TACC2: variants seen among roughly 807,000 people sequenced by gnomAD.
TACC2 encodes transforming acidic coiled-coil-containing protein 2.
Under a neutral mutation model 227.3 loss-of-function variants are expected in TACC2, and 137 were observed. That is an observed-to-expected ratio of 0.60 (90% confidence interval 0.52 to 0.69). The LOEUF is 0.69. Ranked by LOEUF, TACC2 falls within the 30% of genes least tolerant of loss-of-function variation. The probability of loss-of-function intolerance (pLI) is 0.00; values close to 1 mark genes in which losing one functional copy is unlikely to be tolerated. For synonymous variants in TACC2, 1,523 were observed against 1,487.5 expected (o/e 1.02, Z -0.55); for missense variants, 3,470 against 3,694.4 (o/e 0.94, Z 1.57).
At chr10:122,003,138 G>A (rs1954623194) in intron 1 of TACC2, among the ~76,000 whole-genome samples, 1 of 152,004 alleles carries the variant, frequency 6.6e-6, no homozygotes, top group South Asian at 2.1e-4. Flanking sequence ...AGGAGGCGGA[G>A]GTTGCAGTGA....
chr10:122,069,130 C>T (rs1436170108), intron 3 of TACC2, among the ~76,000 whole-genome samples: 1 of 152,194 alleles, frequency 6.6e-6, no homozygotes, highest in African/African-American at 2.4e-5. Flanking sequence ...AGCTTCATCT[C>T]AAGTCAGGGC....
chr10:122,117,735 T>TA (rs1198754614), intron 5 of TACC2, among the ~76,000 whole-genome samples: 1 of 152,166 alleles, frequency 6.6e-6, no homozygotes, highest in Non-Finnish European at 1.5e-5. Flanking sequence ...TCATTTAGAA[T>TA]AGAAGGCTCC....
chr10:122,192,283 T>TGGG, intron 7 of TACC2, among the ~76,000 whole-genome samples: 1 of 152,322 alleles, frequency 6.6e-6, no homozygotes, highest in South Asian at 2.1e-4. Context: ...AGGGCGATCG[T>TGGG]GAACGGCGGT....
At chr10:122,248,870 AG>A in intron 20 of TACC2, 67 bp downstream of exon 20, 1 of 1,596,924 alleles carries the variant, frequency 6.3e-7, no homozygotes, top group South Asian at 1.1e-5. Flanking sequence ...GAGCACTGGG[AG>A]GGGGTAGGAT....
intron 5 of TACC2, among the ~76,000 whole-genome samples, chr10:122,102,749 T>C (rs1381081384): frequency 6.6e-6 from 1 of 152,182 alleles, no homozygotes; most frequent in Admixed American, 6.6e-5. Context: ...GTCCGAGCAG[T>C]GCAGACCTGG....
intron 3 of TACC2, among the ~76,000 whole-genome samples, chr10:122,061,273 T>A (rs1244879646): frequency 9.7e-6 from 1 of 103,558 alleles, no homozygotes; most frequent in Non-Finnish European, 1.7e-5. Flanking sequence ...ATGGCGCCAC[T>A]GCACTCCGTC....
chr10:122,026,259 C>T (rs11200345), intron 2 of TACC2, among the ~76,000 whole-genome samples: 180 of 129,592 alleles, frequency 1.4e-3, no homozygotes, highest in Non-Finnish European at 2.2e-3. Flanking sequence ...ACCCGGGAGG[C>T]GGAGCTTGCA....
At chr10:122,031,603 C>A (rs1186665281) in intron 2 of TACC2, among the ~76,000 whole-genome samples, 6 of 151,694 alleles carry the variant, frequency 4.0e-5, no homozygotes, top group African/African-American at 1.5e-4. Context: ...TGGGGTTTCA[C>A]CGTGTTAGCC....
intron 1 of TACC2, among the ~76,000 whole-genome samples, chr10:122,007,571 T>C (rs117910143): frequency 0.023 from 3,570 of 152,322 alleles, 74 homozygotes; most frequent in Non-Finnish European, 0.034. Context: ...TTTATGGCAC[T>C]GAGGTGTTTT....
At chr10:122,161,811 T>C (rs1041918752) in intron 7 of TACC2, among the ~76,000 whole-genome samples, 5 of 152,388 alleles carry the variant, frequency 3.3e-5, no homozygotes, top group Admixed American at 2.0e-4. Flanking sequence ...AGGGCCACTT[T>C]CTTCAAAACA....
intron 1 of TACC2, among the ~76,000 whole-genome samples, chr10:122,000,324 A>C (rs568409774): frequency 6.6e-6 from 1 of 152,322 alleles, no homozygotes; most frequent in Admixed American, 6.5e-5. Context: ...GCTTGCAGTG[A>C]GCAGAGATCG....
intron 3 of TACC2, among the ~76,000 whole-genome samples, chr10:122,076,075 C>T (rs2078769451): frequency 6.6e-6 from 1 of 152,176 alleles, no homozygotes. Flanking sequence ...GGTGGGATTA[C>T]AGGCGTGAGC....
rs1286965398 is a variant in TACC2 at position 122,088,352 on chromosome 10, G to C, written c.5460-126G>C. On this transcript the variant is annotated intron_variant, in intron 4 of 22. Transcript: ENST00000369005. ...TTTAGTCAGGGGGCCCTTTTTCCTA[G>C]GGATTTTTTTTTTTGTAGTAGCCAC... is the stretch of plus-strand genomic sequence containing the variant. 6.1e-6 allele frequency: 5 copies of C among 814,142 alleles called. No individual in the cohort carries two copies. In the East Asian group the frequency reaches 1.2e-4, roughly 19 times the overall value. The allele number at this position is 814,142 out of a possible 1,614,324, so 50.4% of individuals were successfully genotyped here.
intron 3 of TACC2, among the ~76,000 whole-genome samples, chr10:122,068,512 G>T (rs770719872): frequency 1.9e-4 from 29 of 152,118 alleles, no homozygotes; most frequent in Non-Finnish European, 3.7e-4. Flanking sequence ...TGGAACGAGA[G>T]CAGTGTTTAG....
At chr10:122,236,295 G>A (rs1345369466) in intron 16 of TACC2, among the ~76,000 whole-genome samples, 1 of 151,994 alleles carries the variant, frequency 6.6e-6, no homozygotes, top group East Asian at 1.9e-4. Flanking sequence ...ACTACACTGT[G>A]GTAGCCTTCC....
intron 16 of TACC2, among the ~76,000 whole-genome samples, chr10:122,230,831 T>C (rs1198764061): frequency 6.6e-6 from 1 of 152,142 alleles, no homozygotes; most frequent in African/African-American, 2.4e-5. Flanking sequence ...TGCTTCTCTA[T>C]TGAGCAAACA....
At chr10:122,088,856 C>T in intron 5 of TACC2, 2 of 1,096,372 alleles carry the variant, frequency 1.8e-6, no homozygotes, top group Non-Finnish European at 1.3e-6. Context: ...TGCGGTGGCT[C>T]ATGCCTGTAA....
chr10:122,252,431 A>G (rs2096269985), intron 22 of TACC2, among the ~76,000 whole-genome samples: 1 of 151,568 alleles, frequency 6.6e-6, no homozygotes, highest in South Asian at 2.1e-4. Context: ...CTCCAATAAG[A>G]TGGAAGATCA....
At chr10:122,189,633 A>G (rs774699838) in intron 7 of TACC2, among the ~76,000 whole-genome samples, 11 of 152,234 alleles carry the variant, frequency 7.2e-5, no homozygotes, top group Non-Finnish European at 1.5e-4. Flanking sequence ...GGAGCTGCAA[A>G]GTGGAATTCT....
Sources: allele counts gnomAD v4.1 joint callset (sites outside exome capture counted in the v4.1 genomes callset), GRCh38; gene constraint gnomAD v4.1.1; transcripts MANE v1.5; gene names NCBI Gene and HGNC (gene_info 2026-07-23, HGNC 2026-07-21).